The following RPS6KC1 variants were observed in gnomAD, a reference collection of about 807,000 sequenced individuals.
RPS6KC1 encodes the protein inactive ribosomal protein S6 kinase delta-1.
In RPS6KC1, 54 loss-of-function variants were observed where a neutral mutation model predicts 103.8. The observed-to-expected ratio is 0.52, with a 90% CI of 0.42 to 0.65. The LOEUF (loss-of-function observed/expected upper bound fraction) is 0.65. Among genes scored for constraint, RPS6KC1 ranks in the 30% least tolerant of loss-of-function variants. The pLI is 0.00. For missense variants in RPS6KC1, 1,151 were observed against 1,253.8 expected, an observed-to-expected ratio of 0.92 and a Z score of 1.24; for synonymous variants, 439 against 438.7, an observed-to-expected ratio of 1.00 and a Z score of -0.01.
chr1:213,602,292 T>C, the RPS6KC1 span, among the ~76,000 whole-genome samples: 1 of 143,020 alleles, frequency 7.0e-6, no homozygotes, highest in African/African-American at 2.6e-5. Context: ...TCTCGCTCTG[T>C]CACCCAGGCT....
chr1:213,668,667 T>A, the RPS6KC1 span, among the ~76,000 whole-genome samples: 4 of 152,144 alleles, frequency 2.6e-5, no homozygotes, highest in Non-Finnish European at 5.9e-5. Context: ...ATGCATTGAC[T>A]TCTCCTCTAT....
chr1:213,326,221 A>G, the RPS6KC1 span, among the ~76,000 whole-genome samples: 9 of 152,094 alleles, frequency 5.9e-5, no homozygotes, highest in Non-Finnish European at 4.4e-5. Context: ...AAGAAAAAAG[A>G]AAAAAAAGAC....
intron 3 of RPS6KC1, among the ~76,000 whole-genome samples, chr1:213,087,947 C>T (rs2080575782): frequency 6.6e-6 from 1 of 152,096 alleles, no homozygotes; most frequent in South Asian, 2.1e-4. Context: ...CTAATAACCC[C>T]CTCTCCTTCT....
At chr1:213,269,487 C>T (rs2094990060) in intron 14 of RPS6KC1, among the ~76,000 whole-genome samples, 1 of 152,214 alleles carries the variant, frequency 6.6e-6, no homozygotes, top group Admixed American at 6.5e-5. Flanking sequence ...TTATCAAGTA[C>T]ACACAAAACA....
chr1:213,070,152 T>A (rs2148455655), intron 1 of RPS6KC1, among the ~76,000 whole-genome samples: 1 of 152,374 alleles, frequency 6.6e-6, no homozygotes, highest in South Asian at 2.1e-4. Flanking sequence ...AGCTGCTTTT[T>A]TTTAATTGAA....
At chr1:213,659,508 A>G in the RPS6KC1 span, among the ~76,000 whole-genome samples, 1 of 152,244 alleles carries the variant, frequency 6.6e-6, no homozygotes, top group Non-Finnish European at 1.5e-5. Flanking sequence ...TTTCTTAGAA[A>G]GAAAATGGTC....
At chr1:213,153,824 A>G (rs992473102) in intron 6 of RPS6KC1, among the ~76,000 whole-genome samples, 1 of 152,180 alleles carries the variant, frequency 6.6e-6, no homozygotes, top group African/African-American at 2.4e-5. Context: ...TTCATGCTTG[A>G]AGGATACTTT....
the RPS6KC1 span, among the ~76,000 whole-genome samples, chr1:213,475,015 A>C: frequency 3.9e-5 from 6 of 152,304 alleles, no homozygotes; most frequent in East Asian, 9.6e-4. Flanking sequence ...GTCTTCCATA[A>C]GTGGGGCCTC....
chr1:213,677,801 T>A, the RPS6KC1 span, among the ~76,000 whole-genome samples: 1 of 151,580 alleles, frequency 6.6e-6, no homozygotes, highest in Admixed American at 6.6e-5. Context: ...AGATCAGGAG[T>A]TCGAGACCAG....
intron 8 of RPS6KC1, among the ~76,000 whole-genome samples, chr1:213,196,204 G>A (rs1558516479): frequency 6.6e-6 from 1 of 151,914 alleles, no homozygotes. Flanking sequence ...TTGCATTGTG[G>A]TTTTCATTTG....
the RPS6KC1 span, among the ~76,000 whole-genome samples, chr1:213,489,957 TCAA>T: frequency 6.6e-6 from 1 of 152,146 alleles, no homozygotes; most frequent in Admixed American, 6.5e-5. Context: ...GTGGGAGATC[TCAA>T]CAAGGAAGCA....
chr1:213,373,269 T>C, the RPS6KC1 span, among the ~76,000 whole-genome samples: 2 of 152,230 alleles, frequency 1.3e-5, no homozygotes, highest in African/African-American at 4.8e-5. Flanking sequence ...CATCCTTAAA[T>C]CCTGACATCC....
At chr1:213,692,921 C>G in the RPS6KC1 span, among the ~76,000 whole-genome samples, 2 of 152,144 alleles carry the variant, frequency 1.3e-5, no homozygotes, top group South Asian at 2.1e-4. Flanking sequence ...TCCTGGTGGT[C>G]GTGGGGCCAT....
rs1198783020 is a variant in RPS6KC1 at position 213,262,714 on chromosome 1, G to T, written c.2995-7G>T. ...GGATAAGAAGTGTACCTGATTGATTGTTTCAGACTCTGGTTGAATGCCATC... is the reference window on the plus strand; with the variant it reads ...GGATAAGAAGTGTACCTGATTGATTTTTTCAGACTCTGGTTGAATGCCATC... On this transcript the variant is annotated splice_region_variant and splice_polypyrimidine_tract_variant and intron_variant, in intron 13 of 14. Coordinates refer to ENST00000366960, the MANE Select transcript of RPS6KC1 (RefSeq NM_012424.6). 6.4e-7 allele frequency: 1 copy of T among 1,567,848 alleles called. No homozygotes were observed. The highest frequency in any genetic ancestry group is 2.2e-5 in the East Asian group (1 of 44,622).
At chr1:213,746,892 T>G in the RPS6KC1 span, among the ~76,000 whole-genome samples, 2 of 152,114 alleles carry the variant, frequency 1.3e-5, no homozygotes, top group African/African-American at 4.8e-5. Flanking sequence ...GGGAAGATCT[T>G]GAGTTGAGTC....
the RPS6KC1 span, chr1:213,492,358 A>G: frequency 6.6e-6 from 1 of 152,250 alleles, no homozygotes; most frequent in Non-Finnish European, 1.5e-5. Context: ...GCGAGAGCTC[A>G]AACGGACACA....
the RPS6KC1 span, among the ~76,000 whole-genome samples, chr1:213,581,084 T>C: frequency 0.19 from 29,048 of 151,862 alleles, 3,019 homozygotes; most frequent in East Asian, 0.38. Flanking sequence ...CCACATGAAT[T>C]CTGAGAGAGA....
the RPS6KC1 span, among the ~76,000 whole-genome samples, chr1:213,559,673 C>T: frequency 6.6e-6 from 1 of 152,212 alleles, no homozygotes; most frequent in Admixed American, 6.5e-5. Flanking sequence ...GGGCCTGGGA[C>T]TTTAGTATTG....
the RPS6KC1 span, among the ~76,000 whole-genome samples, chr1:213,791,654 T>C: frequency 6.6e-6 from 1 of 152,166 alleles, no homozygotes; most frequent in Non-Finnish European, 1.5e-5. Flanking sequence ...GGAAATGAAA[T>C]TATTACTGTA....
Sources: allele counts gnomAD v4.1 joint callset (sites outside exome capture counted in the v4.1 genomes callset), GRCh38; gene constraint gnomAD v4.1.1; transcripts MANE v1.5; gene names NCBI Gene and HGNC (gene_info 2026-07-23, HGNC 2026-07-21).